Variants in PARVB observed in about 807,000 individuals in gnomAD.
The protein encoded by PARVB is parvin beta.
In PARVB, 46 loss-of-function variants were observed where a neutral mutation model predicts 47.0. The observed-to-expected ratio is 0.98, with a 90% CI of 0.77 to 1.25. The LOEUF (loss-of-function observed/expected upper bound fraction) is 1.25. Among genes scored for constraint, PARVB ranks in the 50% most tolerant of loss-of-function variants. The pLI, the probability that PARVB is intolerant of heterozygous loss-of-function variation, is 0.00. For synonymous variants in PARVB, 196 were observed against 196.3 expected (o/e 1.00, Z 0.01); for missense variants, 473 against 471.6 (o/e 1.00, Z -0.03).
chr22:44,025,993 G>A lies in PARVB; in HGVS notation c.112+1542G>A, dbSNP rs543465824. On this transcript the variant is annotated intron_variant, in intron 1 of 12. Coordinates refer to ENST00000338758, the MANE Select transcript of PARVB (RefSeq NM_013327.5). Reference sequence around the variant, plus strand: ...ACGTGCCCCGGAGCACATAGAACAGGGCGATCAGAGCCAGGGGAGGCCTCT... The same window carrying A: ...ACGTGCCCCGGAGCACATAGAACAGAGCGATCAGAGCCAGGGGAGGCCTCT... 3.3e-4 allele frequency among the ~76,000 whole-genome samples: 51 copies of A among 152,316 alleles called. No homozygotes were observed. In the South Asian group the frequency reaches 4.3e-3, roughly 13 times the overall value.
At chr22:44,137,034 T>C (rs1173393980) in intron 7 of PARVB, among the ~76,000 whole-genome samples, 1 of 152,228 alleles carries the variant, frequency 6.6e-6, no homozygotes, top group Non-Finnish European at 1.5e-5. Context: ...GGTATGTGGT[T>C]TTAAGGACTC....
Position 44,164,409 on chromosome 22 carries a change from T to TCC in PARVB, c.1018+487_1018+488dup, listed in dbSNP as rs139083. On this transcript the variant is annotated intron_variant, in intron 12 of 12. Transcript: ENST00000338758. Reference sequence around the variant, plus strand: ...GCTGGGGCGGGCGGTTGCTTCCCTGTCCCCCCCCCGGCTCCTGTGCCAAGT... The same window carrying TCC: ...GCTGGGGCGGGCGGTTGCTTCCCTGTCCCCCCCCCCCGGCTCCTGTGCCAAGT... Among the ~76,000 whole-genome samples, 943 of 142,178 alleles carry TCC rather than the reference T, an allele frequency of 6.6e-3. 17 individuals carry two copies. Among genetic ancestry groups the TCC allele is most frequent in the East Asian group, 0.018 (86 of 4,840 alleles). 93.3% of individuals were successfully genotyped at this position (142,178 alleles called of 152,430 possible). A position where few individuals can be genotyped will look rare whatever the true frequency, so the allele number is the denominator to read the frequency against.
chr22:44,167,259 G>A (rs2054188404), intron 12 of PARVB, among the ~76,000 whole-genome samples: 1 of 152,228 alleles, frequency 6.6e-6, no homozygotes, highest in Non-Finnish European at 1.5e-5. Context: ...GAGCTCGATG[G>A]TGGGGTGGGT....
intron 2 of PARVB, among the ~76,000 whole-genome samples, chr22:44,016,100 T>TTTC (rs1388298496): frequency 2.7e-4 from 7 of 26,124 alleles, no homozygotes; most frequent in African/African-American, 2.4e-3. Flanking sequence ...TCTTTCTTTC[T>TTTC]TTTTTTTTTT....
intron 1 of PARVB, among the ~76,000 whole-genome samples, chr22:44,035,739 A>C (rs1250807284): frequency 2.0e-5 from 3 of 151,518 alleles, no homozygotes; most frequent in Non-Finnish European, 4.4e-5. Flanking sequence ...AGTGTTATTC[A>C]GGGTTTACGG....
chr22:44,040,726 C>T (rs905340284), intron 1 of PARVB, among the ~76,000 whole-genome samples: 2 of 152,144 alleles, frequency 1.3e-5, no homozygotes, highest in East Asian at 1.9e-4. Context: ...AAATTTGTGT[C>T]GTATGGAGGC....
chr22:44,102,321 A>G (rs9614200), intron 3 of PARVB, among the ~76,000 whole-genome samples: 45,808 of 152,150 alleles, frequency 0.3, 8,878 homozygotes, highest in African/African-American at 0.56. Context: ...TCTGAACACC[A>G]TTCCAGACAC....
At chr22:44,124,026 C>A (rs960036486) in intron 4 of PARVB, among the ~76,000 whole-genome samples, 3 of 152,208 alleles carry the variant, frequency 2.0e-5, no homozygotes, top group African/African-American at 7.2e-5. Context: ...CTGCTGGGTA[C>A]CCCATCCACC....
rs1156533853 is a variant in PARVB, at chr22:44,172,820, G to A, written c.*4142G>A. 2.7e-5 allele frequency: 13 copies of A among 474,370 alleles called. No individual in the cohort carries two copies. Among genetic ancestry groups the A allele is most frequent in the Admixed American group, 2.5e-4 (6 of 24,388 alleles). 29.4% of individuals were successfully genotyped at this position (474,370 alleles called of 1,614,324 possible). A position where few individuals can be genotyped will look rare whatever the true frequency, so the allele number is the denominator to read the frequency against. ...ACCTGGCTGAGTGCAGGAAGCAAGC[G>A]CTTTTCAGGAGCTCACTGCAACACC... On this transcript the variant is annotated 3_prime_UTR_variant, in exon 13 of 13. Coordinates refer to ENST00000338758, the MANE Select transcript of PARVB (RefSeq NM_013327.5).
intron 3 of PARVB, among the ~76,000 whole-genome samples, chr22:44,101,974 C>A (rs1428866200): frequency 6.6e-6 from 1 of 152,146 alleles, no homozygotes; most frequent in Non-Finnish European, 1.5e-5. Flanking sequence ...AATTATCAGG[C>A]TTCTACAAAG....
intron 8 of PARVB, chr22:44,145,092 G>A (rs13057572): frequency 0.31 from 47,530 of 151,948 alleles, 7,684 homozygotes; most frequent in East Asian, 0.56. Flanking sequence ...GAGGCTCTGG[G>A]GGACAGGACG....
chr22:44,010,425 G>A (rs1319886201), intron 2 of PARVB: 1 of 152,202 alleles, frequency 6.6e-6, no homozygotes, highest in African/African-American at 2.4e-5. Flanking sequence ...GCACATTTAG[G>A]TGATCCCCAT....
chr22:44,052,944 A>AAAAACAAAAC (rs559914323), intron 1 of PARVB, among the ~76,000 whole-genome samples: 4 of 152,240 alleles, frequency 2.6e-5, no homozygotes, highest in African/African-American at 9.6e-5. Flanking sequence ...CCCTATCTCA[A>AAAAACAAAAC]AAAACAAAAC....
At position 44,039,779 on chromosome 22, in the gene PARVB, A is replaced by T. The variant is rs892528399; in HGVS notation, c.112+15328A>T. 14 of 446,086 alleles carry T rather than the reference A, an allele frequency of 3.1e-5. No homozygotes were observed. The Admixed American group carries it at 3.3e-4, about 11-fold the overall frequency. The allele number at this position is 446,086 out of a possible 1,614,324, so 27.6% of individuals were successfully genotyped here. A position where few individuals can be genotyped will look rare whatever the true frequency, so the allele number is the denominator to read the frequency against. On this transcript the variant is annotated intron_variant, in intron 1 of 12. Coordinates refer to ENST00000338758, the MANE Select transcript of PARVB (RefSeq NM_013327.5). ...CAAAACCACTATGCTGAGCAAACCA[A>T]GACAGACCAAAAGAGTACACACTGT...
intron 4 of PARVB, among the ~76,000 whole-genome samples, chr22:44,122,080 GTT>G (rs2053060312): frequency 6.6e-6 from 1 of 151,978 alleles, no homozygotes; most frequent in South Asian, 2.1e-4. Flanking sequence ...AAATTAATTT[GTT>G]TCTCTCTGTA....
Position 44,125,709 on chromosome 22 carries a change from A to T in PARVB, c.377-5778A>T, listed in dbSNP as rs2053171634. On this transcript the variant is annotated intron_variant, in intron 4 of 12. Coordinates refer to ENST00000338758, the MANE Select transcript of PARVB (RefSeq NM_013327.5). The surrounding 1 kb of genome is among the most constrained non-coding windows in gnomAD (Gnocchi z 4.1). ...ATCTCATTCAGCCCTGCTAGACAAC[A>T]GTCTATTCCAAGTGACAGGAAGCCA... 6.6e-6 allele frequency among the ~76,000 whole-genome samples: 1 copy of T among 152,176 alleles called. No individual in the cohort carries two copies. The highest frequency in any genetic ancestry group is 2.4e-5 in the African/African-American group (1 of 41,434).
At chr22:44,040,270 AG>A (rs1216070661) in intron 1 of PARVB, among the ~76,000 whole-genome samples, 1 of 149,886 alleles carries the variant, frequency 6.7e-6, no homozygotes, top group East Asian at 1.9e-4. Flanking sequence ...TAGAGGGAAA[AG>A]TACTGATGTC....
At chr22:44,052,601 T>C (rs9626098) in intron 1 of PARVB, among the ~76,000 whole-genome samples, 10,451 of 152,244 alleles carry the variant, frequency 0.069, 732 homozygotes, top group African/African-American at 0.18. Flanking sequence ...AAAGCCCCTA[T>C]AGACAGTTCA....
chr22:44,164,412 C>CCCT (rs1453712277), intron 12 of PARVB, among the ~76,000 whole-genome samples: 1 of 139,312 alleles, frequency 7.2e-6, no homozygotes, highest in East Asian at 2.0e-4. Context: ...TTCCCTGTCC[C>CCCT]CCCCCCGGCT....
Sources: allele counts gnomAD v4.1 joint callset (sites outside exome capture counted in the v4.1 genomes callset), GRCh38; gene constraint gnomAD v4.1.1; non-coding constraint Gnocchi (gnomAD v3.1); transcripts MANE v1.5; gene names NCBI Gene and HGNC (gene_info 2026-07-23, HGNC 2026-07-21).